DLG5: variants seen among roughly 807,000 people sequenced by gnomAD.
DLG5 encodes disks large homolog 5.
A neutral mutation model predicts 189.8 loss-of-function variants in DLG5; 48 were observed. The ratio of observed to expected loss-of-function variants is 0.25; its 90% confidence interval spans 0.20 to 0.32. The LOEUF is 0.32. Among genes scored for constraint, DLG5 ranks in the 10% least tolerant of loss-of-function variants. DLG5 has a pLI of 1.00. For missense variants in DLG5, 2,160 were observed against 2,544.7 expected (o/e 0.85, Z 3.25); for synonymous variants, 1,016 against 1,054.1 (o/e 0.96, Z 0.70).
intron 1 of DLG5, among the ~76,000 whole-genome samples, chr10:77,903,477 G>T (rs1454577502): frequency 6.6e-6 from 1 of 151,698 alleles, no homozygotes; most frequent in Non-Finnish European, 1.5e-5. Flanking sequence ...AATTAGCCGG[G>T]CATGGTGGTG....
chr10:77,909,054 AG>A (rs1846143897), intron 1 of DLG5, among the ~76,000 whole-genome samples: 1 of 152,228 alleles, frequency 6.6e-6, no homozygotes, highest in Non-Finnish European at 1.5e-5. Flanking sequence ...TGTTCATGGT[AG>A]ATATCTTTCC....
intron 26 of DLG5, 105 bp from the exon 27 acceptor site, chr10:77,805,966 C>G: frequency 9.0e-7 from 1 of 1,107,314 alleles, no homozygotes; most frequent in East Asian, 2.4e-5. Flanking sequence ...ACACTGGGCT[C>G]CCCCCACACT....
chr10:77,923,873 C>CA (rs1422957871), intron 1 of DLG5, among the ~76,000 whole-genome samples: 1 of 151,440 alleles, frequency 6.6e-6, no homozygotes, highest in Non-Finnish European at 1.5e-5. Context: ...TTTTTTCTTT[C>CA]TTTTTTTTTG....
Position 77,926,497 on chromosome 10 carries a change from C to T in DLG5, c.24G>A (p.Leu8=), listed in dbSNP as rs567961448. ...CCAGGCTCTGCTGACACTGGGCGAG[C>T]AGCTCCCGGCGCTGGGGCTCCATGG... is the stretch of plus-strand genomic sequence containing the variant. The part of the protein sequence containing the change: MEPQRRE[L]LAQCQQSLAQ... The change falls in exon 1 of 32, where the codon CTG becomes CTA. Residue 8 remains leucine (L), a synonymous_variant. Coordinates refer to ENST00000372391, the MANE Select transcript of DLG5 (RefSeq NM_004747.4). This position sits in a 1 kb window ranked among gnomAD's most constrained non-coding sequence, Gnocchi z 5.2. 1.1e-4 allele frequency: 158 copies of T among 1,383,900 alleles called. 1 individual carries two copies. In the Middle Eastern group the frequency reaches 1.6e-3, roughly 14 times the overall value. 85.7% of individuals were successfully genotyped at this position (1,383,900 alleles called of 1,614,324 possible). A position where few individuals can be genotyped will look rare whatever the true frequency, so the allele number is the denominator to read the frequency against.
chr10:77,864,666 A>G (rs780752673), intron 2 of DLG5, among the ~76,000 whole-genome samples: 1 of 152,234 alleles, frequency 6.6e-6, no homozygotes, highest in Non-Finnish European at 1.5e-5. Context: ...GATGCCTGCT[A>G]GAGTTTGAGA....
At chr10:77,879,057 G>C (rs748442372) in intron 1 of DLG5, among the ~76,000 whole-genome samples, 4 of 152,196 alleles carry the variant, frequency 2.6e-5, no homozygotes, top group Admixed American at 2.0e-4. Context: ...TGACAGGGGC[G>C]GGGGAGAAAT....
intron 7 of DLG5, among the ~76,000 whole-genome samples, chr10:77,841,111 A>G (rs1843394480): frequency 6.6e-6 from 1 of 152,252 alleles, no homozygotes; most frequent in Non-Finnish European, 1.5e-5. Flanking sequence ...GATCAAGTCT[A>G]GAAGCTCTAA....
intron 1 of DLG5, among the ~76,000 whole-genome samples, chr10:77,923,019 C>T (rs1356358965): frequency 6.6e-6 from 1 of 152,232 alleles, no homozygotes; most frequent in Non-Finnish European, 1.5e-5. Flanking sequence ...ATGCAGACTC[C>T]CTCAGCACCC....
intron 1 of DLG5, among the ~76,000 whole-genome samples, chr10:77,918,743 T>C (rs969277120): frequency 6.6e-6 from 1 of 152,154 alleles, no homozygotes; most frequent in Non-Finnish European, 1.5e-5. Context: ...CATTTAAGAT[T>C]CTTCCCTGCT....
At chr10:77,907,928 A>G (rs1846111448) in intron 1 of DLG5, among the ~76,000 whole-genome samples, 1 of 152,176 alleles carries the variant, frequency 6.6e-6, no homozygotes, top group South Asian at 2.1e-4. Context: ...GAAAATAAAT[A>G]CAAAAATAAT....
intron 5 of DLG5, among the ~76,000 whole-genome samples, chr10:77,847,746 G>A (rs1490456584): frequency 6.6e-6 from 1 of 151,960 alleles, no homozygotes; most frequent in East Asian, 1.9e-4. Flanking sequence ...ATTTAAATTT[G>A]GCCCAGAATT....
chr10:77,931,490 T>A (rs1846786127), upstream of DLG5, among the ~76,000 whole-genome samples: 1 of 151,872 alleles, frequency 6.6e-6, no homozygotes, highest in African/African-American at 2.4e-5. Flanking sequence ...CCTCAAGCTA[T>A]CCTCCTGCCT....
intron 1 of DLG5, among the ~76,000 whole-genome samples, chr10:77,878,382 G>A (rs2154577308): frequency 6.6e-6 from 1 of 152,292 alleles, no homozygotes; most frequent in Middle Eastern, 3.4e-3. Flanking sequence ...AGAGCCAGGC[G>A]CACAGCAAGC....
chr10:77,860,055 CA>C (rs749838042), intron 2 of DLG5, among the ~76,000 whole-genome samples: 2 of 152,200 alleles, frequency 1.3e-5, no homozygotes, highest in African/African-American at 2.4e-5. Context: ...TAACCAAGCC[CA>C]GGGGGAGGTT....
rs187952381 is a variant in DLG5 at position 77,796,407 on chromosome 10, G to A, written c.5308+44C>T. On this transcript the variant is annotated intron_variant, in intron 28 of 31. Coordinates refer to ENST00000372391, the MANE Select transcript of DLG5 (RefSeq NM_004747.4). This position sits in a 1 kb window ranked among gnomAD's most constrained non-coding sequence, Gnocchi z 5.2. ...GCAGGCAGGTGGACAGGGACATAGAGACAAAGAGCCCAGTAGGCACAGAGG... is the reference window on the plus strand; with the variant it reads ...GCAGGCAGGTGGACAGGGACATAGAAACAAAGAGCCCAGTAGGCACAGAGG... 1.2e-5 allele frequency: 19 copies of A among 1,613,896 alleles called. No individual in the cohort carries two copies. In the African/African-American group the frequency reaches 2.1e-4, roughly 18 times the overall value.
intron 2 of DLG5, among the ~76,000 whole-genome samples, chr10:77,858,765 A>T (rs1401158112): frequency 6.6e-6 from 1 of 150,762 alleles, no homozygotes; most frequent in African/African-American, 2.5e-5. Flanking sequence ...AGTTTTTAAC[A>T]AAAAAAGTAC....
intron 27 of DLG5, among the ~76,000 whole-genome samples, chr10:77,803,853 A>G (rs1841338214): frequency 6.6e-6 from 1 of 151,810 alleles, no homozygotes; most frequent in Non-Finnish European, 1.5e-5. Context: ...AAGCAAAATA[A>G]GAGAGAAACC....
At chr10:77,850,197 C>T (rs1843898269) in intron 5 of DLG5, among the ~76,000 whole-genome samples, 1 of 152,206 alleles carries the variant, frequency 6.6e-6, no homozygotes, top group African/African-American at 2.4e-5. Flanking sequence ...CAATACCCAT[C>T]AGCAGTCACT....
At chr10:77,792,681 G>A in intron 31 of DLG5, 138 bp from the exon 32 acceptor site, 1 of 732,380 alleles carries the variant, frequency 1.4e-6, no homozygotes, top group Non-Finnish European at 2.3e-6. Flanking sequence ...ATCCCCACCT[G>A]ACTCTCCTTC....
Sources: allele counts gnomAD v4.1 joint callset (sites outside exome capture counted in the v4.1 genomes callset), GRCh38; gene constraint gnomAD v4.1.1; non-coding constraint Gnocchi (gnomAD v3.1); transcripts MANE v1.5; gene names NCBI Gene and HGNC (gene_info 2026-07-23, HGNC 2026-07-21).